The following PLAT variants were observed in gnomAD, a reference collection of about 807,000 sequenced individuals.
PLAT encodes tissue-type plasminogen activator.
Under a neutral mutation model 74.9 loss-of-function variants are expected in PLAT, and 48 were observed. The ratio of observed to expected loss-of-function variants is 0.64; its 90% CI spans 0.51 to 0.82. PLAT has a LOEUF of 0.82. Ranked by LOEUF, PLAT falls within the 40% of genes least tolerant of loss-of-function variation. The pLI, the probability that PLAT is intolerant of heterozygous loss-of-function variation, is 0.00. For missense variants in PLAT, 673 were observed against 736.2 expected (o/e 0.91, Z 0.99); for synonymous variants, 307 against 294.4 (o/e 1.04, Z -0.44).
In PLAT at chr8:42,175,851, T is replaced by C. The variant is rs1587923881; in HGVS notation, c.*142A>G. ...GGAAGTATCTGGGAAAATGCACTCT[T>C]CCCTCTCCTGTAGGGTCTCGTCCCG... On this transcript the variant is annotated 3_prime_UTR_variant, in exon 14 of 14. Coordinates refer to ENST00000220809, the MANE Select transcript of PLAT (RefSeq NM_000930.5). The C allele has an allele frequency of 6.9e-6, 5 of 722,036 alleles. No homozygotes were observed. The East Asian group carries it at 1.3e-4, about 19-fold the overall frequency. The allele number at this position is 722,036 out of a possible 1,614,324, so 44.7% of individuals were successfully genotyped here. A position where few individuals can be genotyped will look rare whatever the true frequency, so the allele number is the denominator to read the frequency against.
intron 3 of PLAT, 128 bp downstream of exon 3, chr8:42,191,244 G>A: frequency 1.3e-6 from 1 of 766,750 alleles, no homozygotes; most frequent in East Asian, 2.5e-5. Flanking sequence ...GAATCATGCT[G>A]CAATGGCACT....
rs1290300816 is a variant in PLAT at position 42,179,991 on chromosome 8, G to A, written c.1298C>T (p.Pro433Leu). The A allele has an allele frequency of 1.2e-6, 2 of 1,608,740 alleles. No individual in the cohort carries two copies. The highest frequency in any genetic ancestry group is 2.2e-5 in the East Asian group (1 of 44,680). ...SSVVRTVCLP[P>L]ADLQLPDWTE... ...CCAGTCCGGCAGCTGCAGGTCCGCC[G>A]GGGGAAGGCACACAGTGCGGACCAC... Residue 433 changes from proline (P) to leucine (L), a missense_variant, in exon 12 of 14, where the codon CCG becomes CTG. Pro to Leu is a moderately conservative substitution (Grantham distance 98). Transcript: ENST00000220809.
At chr8:42,201,356 C>A (rs1318738481) in intron 1 of PLAT, among the ~76,000 whole-genome samples, 1 of 152,090 alleles carries the variant, frequency 6.6e-6, no homozygotes, top group Non-Finnish European at 1.5e-5. Context: ...GTCCTTCCCC[C>A]ACACCTGGGT....
At chr8:42,193,703 C>CTGTA (rs1174930066) in intron 1 of PLAT, 2 of 148,002 alleles carry the variant, frequency 1.4e-5, no homozygotes, top group African/African-American at 5.0e-5. Context: ...TGCATCCATG[C>CTGTA]TGTAGCATGT....
At chr8:42,183,774 A>T (rs951488171) in intron 7 of PLAT, among the ~76,000 whole-genome samples, 3 of 152,002 alleles carry the variant, frequency 2.0e-5, no homozygotes, top group Non-Finnish European at 4.4e-5. Context: ...TTTAGACCAG[A>T]CCATGGGGGA....
At chr8:42,203,632 T>G (rs1355235660) in intron 1 of PLAT, among the ~76,000 whole-genome samples, 1 of 152,164 alleles carries the variant, frequency 6.6e-6, no homozygotes, top group Non-Finnish European at 1.5e-5. Flanking sequence ...CCAAGTGGCA[T>G]ACATAGAAAA....
Position 42,176,142 on chromosome 8 carries a change from C to G in PLAT, c.1540G>C (p.Gly514Arg), listed in dbSNP as rs1564123726. 6.2e-7 allele frequency: 1 copy of G among 1,613,218 alleles called. No homozygotes were observed. Among genetic ancestry groups the G allele is most frequent in the Non-Finnish European group, 8.5e-7 (1 of 1,179,528 alleles). Reference sequence around the variant, plus strand: ...TCGTTCAGACACACCAGGGGGCCTCCCGAATCGCCCTGCAAAGGAGATAGC... The same window carrying G: ...TCGTTCAGACACACCAGGGGGCCTCGCGAATCGCCCTGCAAAGGAGATAGC... ...NLHDACQGDS[G>R]GPLVCLNDGR... The change falls in exon 14 of 14, where the codon GGA becomes CGA. Residue 514 changes from glycine to arginine, a missense_variant. Transcript: ENST00000220809.
intron 1 of PLAT, among the ~76,000 whole-genome samples, chr8:42,194,235 AGAGAGAGTGTGTGT>A (rs753972837): frequency 3.2e-3 from 206 of 63,552 alleles, no homozygotes; most frequent in Non-Finnish European, 6.1e-3. Flanking sequence ...AGAGAGAGAG[AGAGAGAGTGTGTGT>A]GTGTGTGTGT....
At chr8:42,198,125 G>A (rs1805986011) in intron 1 of PLAT, among the ~76,000 whole-genome samples, 2 of 152,292 alleles carry the variant, frequency 1.3e-5, no homozygotes, top group Middle Eastern at 3.4e-3. Context: ...TTGAACCCAG[G>A]AGTTCGAGAT....
At position 42,193,129 on chromosome 8, in the gene PLAT, G is replaced by T. The variant is rs141964626; in HGVS notation, c.57C>A (p.Phe19Leu). 6.2e-7 allele frequency: 1 copy of T among 1,613,348 alleles called. No individual in the cohort carries two copies. Among genetic ancestry groups the T allele is most frequent in the Non-Finnish European group, 8.5e-7 (1 of 1,179,366 alleles). ...CCVLLLCGAVFVSPSQEIHAR... is the reference protein window; with the variant it reads ...CCVLLLCGAVLVSPSQEIHAR... The stretch of plus-strand genomic sequence containing the variant: ...GCACACCAACCTGGCTGGGCGAAAC[G>T]AAGACTGCTCCACACAGCAGCAGCA... Residue 19 changes from phenylalanine to leucine, a missense_variant, in exon 2 of 14, where the codon TTC becomes TTA. Transcript: ENST00000220809.
At chr8:42,179,495 CCTAAT>C (rs768483586) in intron 12 of PLAT, among the ~76,000 whole-genome samples, 3 of 152,212 alleles carry the variant, frequency 2.0e-5, no homozygotes, top group African/African-American at 7.2e-5. Flanking sequence ...ATTTAACCCT[CCTAAT>C]CTAATTAGGG....
chr8:42,187,125 C>T (rs1805508003), intron 6 of PLAT: 1 of 351,870 alleles, frequency 2.8e-6, no homozygotes, highest in Admixed American at 4.3e-5. Flanking sequence ...CTATCTATCA[C>T]CTATCATCTG....
chr8:42,189,115 A>C, intron 3 of PLAT, 44 bp from the exon 4 acceptor site: 2 of 1,596,924 alleles, frequency 1.3e-6, no homozygotes, highest in African/African-American at 1.3e-5. Context: ...ATGACTCAAA[A>C]TGAAATGCCT....
intron 3 of PLAT, among the ~76,000 whole-genome samples, chr8:42,190,187 G>A (rs141153220): frequency 2.0e-5 from 3 of 152,216 alleles, no homozygotes; most frequent in Non-Finnish European, 2.9e-5. Context: ...TCCTGGATCC[G>A]CCTCCTAAAG....
Position 42,193,102 on chromosome 8 carries a change from C to T in PLAT, c.72+12G>A. The T allele has an allele frequency of 6.2e-7, 1 of 1,601,308 alleles. No homozygotes were observed. The highest frequency in any genetic ancestry group is 2.2e-5 in the East Asian group (1 of 44,828). ...CCTTGAGGGGCGGGACACAGGGATC[C>T]TGCACACCAACCTGGCTGGGCGAAA... On this transcript the variant is annotated intron_variant, in intron 2 of 13. Transcript: ENST00000220809.
chr8:42,180,284 C>G lies in PLAT; in HGVS notation c.1180G>C (p.Val394Leu). The G allele has an allele frequency of 6.2e-7, 1 of 1,614,238 alleles. No homozygotes were observed. The highest frequency in any genetic ancestry group is 1.6e-4 in the Middle Eastern group (1 of 6,062). ...GTGTCATCATCGAATTCCTTATGGACAATGTATTTTTCGACTTCAAATTTC... is the reference window on the plus strand; with the variant it reads ...GTGTCATCATCGAATTCCTTATGGAGAATGTATTTTTCGACTTCAAATTTC... ...EQKFEVEKYIVHKEFDDDTYD... is the reference protein window; with the variant it reads ...EQKFEVEKYILHKEFDDDTYD... Residue 394 changes from valine to leucine, a missense_variant, in exon 11 of 14, where the codon GTC (valine) becomes CTC (leucine). Coordinates refer to ENST00000220809, the MANE Select transcript of PLAT (RefSeq NM_000930.5).
chr8:42,195,912 C>A (rs893641754), intron 1 of PLAT, among the ~76,000 whole-genome samples: 6 of 152,210 alleles, frequency 3.9e-5, no homozygotes, highest in Non-Finnish European at 8.8e-5. Context: ...GTACAAGGAA[C>A]TTGACCTTCT....
At chr8:42,206,454 C>T (rs1259003908) in intron 1 of PLAT, among the ~76,000 whole-genome samples, 1 of 152,162 alleles carries the variant, frequency 6.6e-6, no homozygotes, top group Non-Finnish European at 1.5e-5. Context: ...TAGGAAGTCA[C>T]CTTTGAGGGG....
intron 1 of PLAT, among the ~76,000 whole-genome samples, chr8:42,201,447 A>T (rs1806126944): frequency 6.6e-6 from 1 of 152,186 alleles, no homozygotes; most frequent in South Asian, 2.1e-4. Context: ...TTCTCCCTGG[A>T]ACAACTTGAA....
Sources: gnomAD v4.1 joint callset for allele counts (sites outside exome capture counted in the v4.1 genomes callset) on GRCh38, gnomAD v4.1.1 for gene constraint, MANE v1.5 for transcripts, NCBI Gene and HGNC (gene_info 2026-07-23, HGNC 2026-07-21) for gene names.